Variants in NRXN1 observed in about 807,000 individuals in gnomAD.
NRXN1 encodes the protein neurexin 1.
NRXN1 carries 39 observed loss-of-function variants against 150.9 expected under a neutral mutation model. The ratio of observed to expected loss-of-function variants is 0.26; its 90% CI spans 0.20 to 0.34. NRXN1 has a LOEUF of 0.34. Among genes scored for constraint, NRXN1 ranks in the 10% least tolerant of loss-of-function variants. NRXN1 has a pLI of 1.00. For missense variants in NRXN1, 1,815 were observed against 1,949.9 expected (o/e 0.93, Z 1.30); for synonymous variants, 924 against 757.0 (o/e 1.22, Z -3.62).
intron 18 of NRXN1, among the ~76,000 whole-genome samples, chr2:50,130,199 T>C (rs935516865): frequency 6.6e-6 from 1 of 152,102 alleles, no homozygotes; most frequent in Non-Finnish European, 1.5e-5. Context: ...TATTTTTCCA[T>C]CTGGAGGAAT....
chr2:50,782,930 T>G (rs561572906), intron 5 of NRXN1, among the ~76,000 whole-genome samples: 2 of 152,302 alleles, frequency 1.3e-5, no homozygotes, highest in Admixed American at 1.3e-4. Flanking sequence ...ATGAGAGAAC[T>G]CTGTGCAAAC....
chr2:49,930,774 G>A lies in NRXN1; in HGVS notation c.4217-8523C>T, dbSNP rs1026059832. On this transcript the variant is annotated intron_variant, in intron 22 of 22. Coordinates refer to ENST00000401669, the MANE Select transcript of NRXN1 (RefSeq NM_001330078.2). ...ACTGGCTGAAAACTGCATGTTTTAT[G>A]TATAGTTAGATGAAAGCTTTTGTAA... Among the ~76,000 whole-genome samples, 10 of 152,242 alleles carry A rather than the reference G, an allele frequency of 6.6e-5. No individual in the cohort carries two copies. In the East Asian group the frequency reaches 1.7e-3, roughly 26 times the overall value.
At chr2:50,495,382 T>G (rs865845213) in intron 15 of NRXN1, among the ~76,000 whole-genome samples, 426 of 116,268 alleles carry the variant, frequency 3.7e-3, no homozygotes, top group African/African-American at 0.013. Context: ...GTGTGTGTGG[T>G]GTGTGTGTGT....
chr2:50,183,032 C>T (rs1245492292), intron 18 of NRXN1, among the ~76,000 whole-genome samples: 7 of 152,002 alleles, frequency 4.6e-5, no homozygotes, highest in Non-Finnish European at 8.8e-5. Flanking sequence ...TGAGTCTAAA[C>T]CTCCAATTAA....
chr2:50,848,024 C>T (rs1673936421), intron 5 of NRXN1, among the ~76,000 whole-genome samples: 1 of 152,134 alleles, frequency 6.6e-6, no homozygotes, highest in African/African-American at 2.4e-5. Flanking sequence ...ATCCCTCTGT[C>T]GGAAGGGGAT....
At chr2:50,103,317 T>C (rs1444029973) in intron 18 of NRXN1, among the ~76,000 whole-genome samples, 2 of 152,074 alleles carry the variant, frequency 1.3e-5, no homozygotes, top group African/African-American at 4.8e-5. Flanking sequence ...CAAGATGTAG[T>C]AAAGAGTTAT....
chr2:50,899,490 G>C (rs1041757008), intron 5 of NRXN1, among the ~76,000 whole-genome samples: 17 of 152,106 alleles, frequency 1.1e-4, no homozygotes, highest in Non-Finnish European at 2.2e-4. Context: ...AGGATTAGTA[G>C]ATGTGGGCCC....
At chr2:50,976,789 T>C (rs957006644) in intron 2 of NRXN1, among the ~76,000 whole-genome samples, 4 of 151,910 alleles carry the variant, frequency 2.6e-5, no homozygotes, top group East Asian at 1.9e-4. Context: ...AAATTGAGCA[T>C]ACCAAAAAAA....
chr2:50,381,760 G>C (rs529452636), intron 17 of NRXN1, among the ~76,000 whole-genome samples: 2 of 152,120 alleles, frequency 1.3e-5, no homozygotes, highest in Admixed American at 1.3e-4. Context: ...TTAAATGCAA[G>C]GTGCTTAAAC....
intron 17 of NRXN1, among the ~76,000 whole-genome samples, chr2:50,434,113 A>G (rs2085223072): frequency 7.6e-6 from 1 of 131,844 alleles, no homozygotes; most frequent in Non-Finnish European, 1.5e-5. Context: ...CTGGAGTGCA[A>G]TGGCTGGCGC....
intron 2 of NRXN1, among the ~76,000 whole-genome samples, chr2:50,953,715 C>T (rs1420274283): frequency 2.0e-5 from 3 of 151,948 alleles, no homozygotes; most frequent in Non-Finnish European, 4.4e-5. Context: ...GTACCCGCCA[C>T]CATGCCTGGC....
intron 5 of NRXN1, among the ~76,000 whole-genome samples, chr2:50,722,736 CA>C (rs1696841856): frequency 6.6e-6 from 1 of 152,084 alleles, no homozygotes; most frequent in Non-Finnish European, 1.5e-5. Flanking sequence ...ATCATGTTAA[CA>C]AAGACTTAAC....
At chr2:50,164,472 A>G (rs1225776229) in intron 18 of NRXN1, among the ~76,000 whole-genome samples, 2 of 152,354 alleles carry the variant, frequency 1.3e-5, no homozygotes, top group South Asian at 2.1e-4. Flanking sequence ...CTAAAATGAT[A>G]GCATAATCCT....
rs372823663 is a variant in NRXN1, at chr2:50,552,820, C to A, written c.1526G>T (p.Arg509Leu). 1 of 1,613,824 alleles carries A rather than the reference C, an allele frequency of 6.2e-7. No individual in the cohort carries two copies. The change falls in exon 9 of 23, where the codon CGT becomes CTT. Residue 509 changes from arginine (R) to leucine (L), a missense_variant. Physicochemically the swap from Arg to Leu is moderately radical, Grantham distance 102. Around this residue, in one of 6 missense-constraint regions of NRXN1, gnomAD observed 638 missense variants for 652.6 expected, o/e 0.98. Coordinates refer to ENST00000401669, the MANE Select transcript of NRXN1 (RefSeq NM_001330078.2). ...GATGAGGCCATTTGGCTCTGTTGTA[C>A]GGAAATCAAATGATATGGAGCCAGT... is the stretch of plus-strand genomic sequence containing the variant. ...KKTGSISFDF[R>L]TTEPNGLILF...
At chr2:50,925,556 T>C (rs1216664872) in intron 3 of NRXN1, among the ~76,000 whole-genome samples, 2 of 151,852 alleles carry the variant, frequency 1.3e-5, no homozygotes, top group Non-Finnish European at 2.9e-5. Flanking sequence ...TTTGCCAGAA[T>C]AGAATAAGTC....
chr2:50,683,719 G>A (rs1227706888), intron 5 of NRXN1, among the ~76,000 whole-genome samples: 1 of 141,104 alleles, frequency 7.1e-6, no homozygotes, highest in Non-Finnish European at 1.5e-5. Context: ...TAGTGTGAGG[G>A]CAAACAGCTT....
At chr2:50,812,116 T>C (rs967386026) in intron 5 of NRXN1, among the ~76,000 whole-genome samples, 15 of 152,168 alleles carry the variant, frequency 9.9e-5, no homozygotes, top group African/African-American at 3.6e-4. Flanking sequence ...AAAACTTGGT[T>C]AGATATTTTT....
chr2:50,930,001 A>G (rs927499325), intron 2 of NRXN1, among the ~76,000 whole-genome samples: 2 of 152,108 alleles, frequency 1.3e-5, no homozygotes, highest in East Asian at 1.9e-4. Flanking sequence ...AATGAAGCAT[A>G]AAGGTCCATT....
At chr2:50,474,502 A>G (rs1354213647) in intron 15 of NRXN1, among the ~76,000 whole-genome samples, 1 of 151,648 alleles carries the variant, frequency 6.6e-6, no homozygotes, top group African/African-American at 2.4e-5. Context: ...AGTTTCAAGG[A>G]GTAATGCAAA....
Sources: gnomAD v4.1 joint callset for allele counts (sites outside exome capture counted in the v4.1 genomes callset) on GRCh38, gnomAD v4.1.1 for gene constraint, gnomAD v4.1.1 regional missense constraint, MANE v1.5 for transcripts, NCBI Gene and HGNC (gene_info 2026-07-23, HGNC 2026-07-21) for gene names.